Variants in LTBR observed in about 807,000 individuals in gnomAD.
LTBR encodes the protein tumor necrosis factor receptor superfamily member 3.
LTBR carries 15 observed loss-of-function variants against 45.4 expected under a neutral mutation model. The observed-to-expected ratio is 0.33, with a 90% CI of 0.22 to 0.51. The LOEUF (loss-of-function observed/expected upper bound fraction) is 0.51. Ranked by LOEUF, LTBR falls within the 20% of genes least tolerant of loss-of-function variation. The pLI, the probability that LTBR is intolerant of heterozygous loss-of-function variation, is 0.97. For synonymous variants in LTBR, 228 were observed against 231.0 expected, an observed-to-expected ratio of 0.99 and a Z score of 0.12; for missense variants, 450 against 565.5, an observed-to-expected ratio of 0.80 and a Z score of 2.07.
chr12:6,375,405 G>A, upstream of LTBR: 1 of 1,511,236 alleles, frequency 6.6e-7, no homozygotes, highest in Non-Finnish European at 8.8e-7. Flanking sequence ...GGCTCCAGGA[G>A]GTCTGGGCTG....
At chr12:6,377,759 G>C (rs898843203) in intron 1 of LTBR, 2 of 899,474 alleles carry the variant, frequency 2.2e-6, no homozygotes, top group Non-Finnish European at 3.2e-6. Context: ...TTTTCTATTT[G>C]CCAGCTCATG....
chr12:6,375,638 G>C (rs1275840462), intron 1 of LTBR: 11 of 1,488,816 alleles, frequency 7.4e-6, no homozygotes, highest in Non-Finnish European at 9.8e-6. Flanking sequence ...TCAGAGCCGG[G>C]AGTTTTCCGA....
At position 6,384,685 on chromosome 12, in the gene LTBR, G is replaced by A. The variant is rs958614431; in HGVS notation, c.193+1G>A. ...ATCTGCTGCTCCCGCTGCCCGCCAG[G>A]TGAGAGGCAATGGCAGGACGAACCT... On this transcript the variant is annotated splice_donor_variant, in intron 2 of 9. Coordinates refer to ENST00000228918, the MANE Select transcript of LTBR (RefSeq NM_002342.3). LOFTEE classifies it high-confidence loss of function. The A allele has an allele frequency of 6.2e-7, 1 of 1,614,042 alleles. No homozygotes were observed. The highest frequency in any genetic ancestry group is 1.7e-5 in the Admixed American group (1 of 60,032).
chr12:6,387,769 T>C, intron 6 of LTBR: 1 of 410,310 alleles, frequency 2.4e-6, no homozygotes, highest in Non-Finnish European at 5.0e-6. Context: ...GAAGCCGAAC[T>C]CCAGCCTCTC....
At chr12:6,387,964 T>C (rs1949068039) in intron 6 of LTBR, 1 of 386,330 alleles carries the variant, frequency 2.6e-6, no homozygotes, top group Non-Finnish European at 5.2e-6. Flanking sequence ...CTCTGTACAA[T>C]GGCTGAGGCC....
At chr12:6,383,106 C>T (rs141299736), upstream of LTBR, among the ~76,000 whole-genome samples, 140 of 152,278 alleles carry the variant, frequency 9.2e-4, no homozygotes, top group Admixed American at 6.1e-3. Flanking sequence ...GGGAAGCAAA[C>T]AAGACAGCCA....
chr12:6,390,042 G>A, intron 8 of LTBR, 70 bp from the exon 9 acceptor site: 1 of 896,144 alleles, frequency 1.1e-6, no homozygotes, highest in South Asian at 1.3e-5. Flanking sequence ...GAAAGAAGAG[G>A]GAGGGAGGGA....
Position 6,391,004 on chromosome 12 carries a change from C to G in LTBR, c.*67C>G, listed in dbSNP as rs528862164. 3 of 1,451,798 alleles carry G rather than the reference C, an allele frequency of 2.1e-6. No individual in the cohort carries two copies. In the African/African-American group the frequency reaches 4.3e-5, roughly 21 times the overall value. 89.9% of individuals were successfully genotyped at this position (1,451,798 alleles called of 1,614,324 possible). ...CCTTCTCCCTTGAGGCTGCCCTGCC[C>G]ACGTGGGATTCACAGGGGCCTGAGT... is the stretch of plus-strand genomic sequence containing the variant. On this transcript the variant is annotated 3_prime_UTR_variant, in exon 10 of 10. Coordinates refer to ENST00000228918, the MANE Select transcript of LTBR (RefSeq NM_002342.3).
chr12:6,384,021 C>A, upstream of LTBR: 1 of 1,172,008 alleles, frequency 8.5e-7, no homozygotes. Context: ...TCCGGCCCCG[C>A]GGCCCTCACG....
Position 6,386,497 on chromosome 12 carries a change from A to G in LTBR, c.667+53A>G. 1 of 1,346,022 alleles carries G rather than the reference A, an allele frequency of 7.4e-7. No individual in the cohort carries two copies. The highest frequency in any genetic ancestry group is 1.2e-5 in the South Asian group (1 of 83,576). 83.4% of individuals were successfully genotyped at this position (1,346,022 alleles called of 1,614,324 possible). ...GGGGGGCGCCTCTGAAAATGCCTTA[A>G]TGCTCCACATCTTAAAAAAAATGGG... On this transcript the variant is annotated intron_variant, in intron 6 of 9. Coordinates refer to ENST00000228918, the MANE Select transcript of LTBR (RefSeq NM_002342.3). The surrounding 1 kb of genome is among the most constrained non-coding windows in gnomAD (Gnocchi z 4.1).
At chr12:6,383,734 A>G (rs1284884131), upstream of LTBR, among the ~76,000 whole-genome samples, 1 of 152,134 alleles carries the variant, frequency 6.6e-6, no homozygotes, top group Admixed American at 6.5e-5. Context: ...CGGGGGAGGA[A>G]CCCGGGCATC....
upstream of LTBR, among the ~76,000 whole-genome samples, chr12:6,382,251 T>A (rs554673280): frequency 1.3e-5 from 2 of 152,320 alleles, no homozygotes; most frequent in Admixed American, 6.5e-5. Context: ...GTCTGGGATT[T>A]ACTTCAAAAT....
At chr12:6,378,620 T>C (rs921128010) in intron 1 of LTBR, among the ~76,000 whole-genome samples, 3 of 152,124 alleles carry the variant, frequency 2.0e-5, no homozygotes, top group African/African-American at 7.2e-5. Flanking sequence ...GCTTCATGCA[T>C]GAGGGGACTG....
rs766184045 is a variant in LTBR at position 6,386,016 on chromosome 12, C to T, written c.473-50C>T. On this transcript the variant is annotated intron_variant, in intron 4 of 9. Coordinates refer to ENST00000228918, the MANE Select transcript of LTBR (RefSeq NM_002342.3). This position sits in a 1 kb window ranked among gnomAD's most constrained non-coding sequence, Gnocchi z 4.1. ...AGGAAACTCACAGGCCGGCAAAGGG[C>T]CCCTCCCTTTTGCCCATTCACCCTG... 1 of 1,300,482 alleles carries T rather than the reference C, an allele frequency of 7.7e-7. No individual in the cohort carries two copies. The highest frequency in any genetic ancestry group is 1.1e-6 in the Non-Finnish European group (1 of 895,726). The allele number at this position is 1,300,482 out of a possible 1,614,324, so 80.6% of individuals were successfully genotyped here. A position where few individuals can be genotyped will look rare whatever the true frequency, so the allele number is the denominator to read the frequency against.
chr12:6,379,933 CAAA>C (rs60566609), upstream of LTBR, among the ~76,000 whole-genome samples: 4 of 115,992 alleles, frequency 3.4e-5, no homozygotes, highest in Admixed American at 8.9e-5. Flanking sequence ...GACTCTGTCT[CAAA>C]AAAAAAAAAA....
Position 6,391,058 on chromosome 12 carries a change from A to T in LTBR, c.*121A>T. The stretch of plus-strand genomic sequence containing the variant: ...GCCCGGGGAAGCAGAGCCCTAAGGG[A>T]TTAAGGCTCAGACACCTCTGAGAGC... On this transcript the variant is annotated 3_prime_UTR_variant, in exon 10 of 10. Transcript: ENST00000228918. 4 of 1,070,466 alleles carry T rather than the reference A, an allele frequency of 3.7e-6. No individual in the cohort carries two copies. Among genetic ancestry groups the T allele is most frequent in the Non-Finnish European group, 5.2e-6 (4 of 775,584 alleles). 66.3% of individuals were successfully genotyped at this position (1,070,466 alleles called of 1,614,324 possible).
At position 6,386,344 on chromosome 12, in the gene LTBR, C is replaced by A; in HGVS notation, c.570-3C>A. ...AAGGTCATCATCTTTTTTTCCTCTG[C>A]AGGTGTGAGAACCAAGGTCTGGTGG... On this transcript the variant is annotated splice_polypyrimidine_tract_variant and splice_region_variant and intron_variant, in intron 5 of 9. Transcript: ENST00000228918. This position sits in a 1 kb window ranked among gnomAD's most constrained non-coding sequence, Gnocchi z 4.1. The A allele has an allele frequency of 6.2e-7, 1 of 1,612,192 alleles. No individual in the cohort carries two copies. Among genetic ancestry groups the A allele is most frequent in the Non-Finnish European group, 8.5e-7 (1 of 1,178,448 alleles).
In LTBR at chr12:6,376,340, A is replaced by G. The variant is rs1948908775; in HGVS notation, c.39+746A>G. The G allele has an allele frequency of 1.4e-5, 3 of 214,142 alleles. No homozygotes were observed. In the South Asian group the frequency reaches 4.9e-4, roughly 35 times the overall value. The allele number at this position is 214,142 out of a possible 1,614,324, so 13.3% of individuals were successfully genotyped here. A position where few individuals can be genotyped will look rare whatever the true frequency, so the allele number is the denominator to read the frequency against. ...CCTAGGACATTCTGTTCTTTTTTAC[A>G]CTGTTGGCTGCCAGGCCAGGAATGT... On this transcript the variant is annotated intron_variant, in intron 1 of 9. Coordinates refer to the LTBR transcript ENST00000539925.
intron 6 of LTBR, chr12:6,387,682 G>C (rs140849793): frequency 2.6e-3 from 729 of 282,176 alleles, no homozygotes; most frequent in African/African-American, 0.014. Context: ...GACGGACACT[G>C]GAGGCTCCAT....
Sources: allele counts gnomAD v4.1 joint callset (sites outside exome capture counted in the v4.1 genomes callset), GRCh38; gene constraint gnomAD v4.1.1; non-coding constraint Gnocchi (gnomAD v3.1); transcripts MANE v1.5; gene names NCBI Gene and HGNC (gene_info 2026-07-23, HGNC 2026-07-21).